Variants in ARHGEF33 observed in about 807,000 individuals in gnomAD.
The protein encoded by ARHGEF33 is Rho guanine nucleotide exchange factor 33, also known as DH and coiled-coil domain-containing protein ENSP00000381780.
Under a neutral mutation model 101.9 loss-of-function variants are expected in ARHGEF33, and 72 were observed. That is an observed-to-expected ratio of 0.71 (90% CI 0.58 to 0.86). The LOEUF (loss-of-function observed/expected upper bound fraction) is 0.86. Ranked by LOEUF, ARHGEF33 falls within the 40% of genes least tolerant of loss-of-function variation. The pLI is 0.00. For missense variants in ARHGEF33, 1,169 were observed against 1,111.3 expected (o/e 1.05, Z -0.74); for synonymous variants, 499 against 442.5 (o/e 1.13, Z -1.60).
chr2:38,966,768 C>A (rs545799621), intron 17 of ARHGEF33, among the ~76,000 whole-genome samples: 4 of 152,300 alleles, frequency 2.6e-5, no homozygotes, highest in South Asian at 2.1e-4. Flanking sequence ...TGTAAAACAT[C>A]ACCCACAGGC....
chr2:38,943,653 C>A (rs1445872182), intron 9 of ARHGEF33, among the ~76,000 whole-genome samples: 6 of 152,206 alleles, frequency 3.9e-5, no homozygotes, highest in Non-Finnish European at 8.8e-5. Flanking sequence ...CTGGTGTCTC[C>A]AATCCTTGAG....
rs1667887168 is a variant in ARHGEF33, at chr2:38,960,302, C to G, written c.1997C>G (p.Ala666Gly). Residue 666 changes from alanine (A) to glycine (G), a missense_variant, in exon 16 of 18, where the codon GCC (alanine) becomes GGC (glycine). By Grantham distance (60) the Ala-to-Gly change is moderately conservative (BLOSUM62 0). Transcript: ENST00000409978. ...CGGCCCGTCAGCTTCGCCATGGAGG[C>G]CGAGCGGCCGGAGCACCCGCTGCAG... The part of the protein sequence containing the change: ...FLRPVSFAME[A>G]ERPEHPLQPL... 1 of 1,545,146 alleles carries G rather than the reference C, an allele frequency of 6.5e-7. No homozygotes were observed. The highest frequency in any genetic ancestry group is 1.2e-5 in the South Asian group (1 of 83,862).
At chr2:38,937,085 C>G (rs1206379551) in intron 8 of ARHGEF33, 6 of 311,434 alleles carry the variant, frequency 1.9e-5, no homozygotes, top group African/African-American at 1.1e-4. Flanking sequence ...ACCTCTGCCT[C>G]CTGGGTTCAA....
rs1019694281 is a variant in ARHGEF33, at chr2:38,951,021, A to G, written c.953A>G (p.Gln318Arg). ...CCTGGCTCTTTACGGTACCTCGTCC[A>G]GCAGCACCTGGATCTGCTTCACGCA... The part of the protein sequence containing the change: ...LFPGSLRYLV[Q>R]QHLDLLHALQ... The change falls in exon 11 of 18, where the codon CAG becomes CGG. Residue 318 changes from glutamine to arginine, a missense_variant. Transcript: ENST00000409978. The G allele has an allele frequency of 6.4e-6, 10 of 1,552,154 alleles. No homozygotes were observed. The African/African-American group carries it at 1.1e-4, about 17-fold the overall frequency.
chr2:38,893,953 G>A (rs577005353), intron 1 of ARHGEF33, among the ~76,000 whole-genome samples: 3 of 152,254 alleles, frequency 2.0e-5, no homozygotes, highest in African/African-American at 4.8e-5. Flanking sequence ...TCTGAAGACT[G>A]AAGACTGAAG....
chr2:38,921,225 C>A, intron 3 of ARHGEF33, 149 bp from the exon 4 acceptor site: 1 of 611,624 alleles, frequency 1.6e-6, no homozygotes, highest in Non-Finnish European at 3.0e-6. Flanking sequence ...CCTACTTCAG[C>A]TCATTTTTTG....
At chr2:38,904,765 G>T (rs1182619746) in intron 2 of ARHGEF33, among the ~76,000 whole-genome samples, 1 of 151,532 alleles carries the variant, frequency 6.6e-6, no homozygotes, top group Non-Finnish European at 1.5e-5. Flanking sequence ...TGCAGTTTTT[G>T]AGCAGGAACA....
chr2:38,901,445 AGGGCTGC>A (rs1050582112), intron 2 of ARHGEF33, among the ~76,000 whole-genome samples: 38 of 152,236 alleles, frequency 2.5e-4, no homozygotes, highest in African/African-American at 8.9e-4. Context: ...CTCCATTCTG[AGGGCTGC>A]AGCAGTAACC....
At position 38,919,464 on chromosome 2, in the gene ARHGEF33, C is replaced by G. The variant is rs938387470; in HGVS notation, c.17C>G (p.Thr6Arg). 8.4e-6 allele frequency: 13 copies of G among 1,551,728 alleles called. No homozygotes were observed. The highest frequency in any genetic ancestry group is 4.1e-5 in the African/African-American group (3 of 73,050). ...ACCGGCACTATGGAAAAAACCAAAACAAAGCAAGGTCAGATTTTTCCTATG... is the reference window on the plus strand; with the variant it reads ...ACCGGCACTATGGAAAAAACCAAAAGAAAGCAAGGTCAGATTTTTCCTATG... MEKTK[T>R]KQGENEHMPV... Residue 6 changes from threonine (T) to arginine (R), a missense_variant, in exon 3 of 18, where the codon ACA becomes AGA. Thr to Arg is a moderately conservative substitution (Grantham distance 71). Coordinates refer to ENST00000409978, the MANE Select transcript of ARHGEF33 (RefSeq NM_001145451.5).
At position 38,894,471 on chromosome 2, in the gene ARHGEF33, TTTCTCTC is replaced by T. The variant is rs1572735617; in HGVS notation, c.-158-1303_-158-1297del. 2.7e-5 allele frequency among the ~76,000 whole-genome samples: 4 copies of T among 149,838 alleles called. No homozygotes were observed. In the East Asian group the frequency reaches 7.7e-4, roughly 29 times the overall value. On this transcript the variant is annotated intron_variant, in intron 1 of 17. Coordinates refer to ENST00000409978, the MANE Select transcript of ARHGEF33 (RefSeq NM_001145451.5). ...GAGGCTTAAACAAGCTAGAAGTGTA[TTTCTCTC>T]TTACATTAAAAACAAACAAACAAAC...
At chr2:38,903,464 C>T (rs1487459233) in intron 2 of ARHGEF33, among the ~76,000 whole-genome samples, 1 of 151,468 alleles carries the variant, frequency 6.6e-6, no homozygotes, top group Non-Finnish European at 1.5e-5. Context: ...TCATTCAAAG[C>T]CCATCACATA....
At position 38,958,179 on chromosome 2, in the gene ARHGEF33, A is replaced by C; in HGVS notation, c.1516A>C (p.Ser506Arg). Residue 506 changes from serine (S) to arginine (R), a missense_variant, in exon 15 of 18, where the codon AGT becomes CGT. Physicochemically the swap from Ser to Arg is moderately radical, Grantham distance 110. Transcript: ENST00000409978. ...GCTGCAACCCTACCCTTCTGCTCCC[A>C]GTTCTGGCCCTGCCATCACGTAAGC... is the stretch of plus-strand genomic sequence containing the variant. ...ELLQPYPSAPSSGPAITHLMP... is the reference protein window; with the variant it reads ...ELLQPYPSAPRSGPAITHLMP... The C allele has an allele frequency of 6.4e-7, 1 of 1,551,678 alleles. No homozygotes were observed. Among genetic ancestry groups the C allele is most frequent in the Non-Finnish European group, 8.7e-7 (1 of 1,146,990 alleles).
rs1276849310 is a variant in ARHGEF33, at chr2:38,959,946, G to A, written c.1641G>A (p.Glu547=). The A allele has an allele frequency of 2.6e-5, 40 of 1,551,602 alleles. No homozygotes were observed. The highest frequency in any genetic ancestry group is 3.4e-5 in the Non-Finnish European group (39 of 1,146,922). ...SDWELEGRKH[E]RPESLLAPTQ... ...GGGAGCTGGAGGGCAGGAAGCACGA[G>A]CGGCCCGAGAGCCTTCTGGCACCGA... Residue 547 remains glutamate (E), a synonymous_variant, in exon 16 of 18, where the codon GAG becomes GAA. Coordinates refer to ENST00000409978, the MANE Select transcript of ARHGEF33 (RefSeq NM_001145451.5).
Position 38,972,078 on chromosome 2 carries a change from CTG to C in ARHGEF33, c.2484-1634_2484-1633del. The C allele has an allele frequency of 4.5e-6, 3 of 664,314 alleles. No individual in the cohort carries two copies. In the South Asian group the frequency reaches 5.2e-5, roughly 11 times the overall value. The allele number at this position is 664,314 out of a possible 1,614,324, so 41.2% of individuals were successfully genotyped here. A position where few individuals can be genotyped will look rare whatever the true frequency, so the allele number is the denominator to read the frequency against. On this transcript the variant is annotated intron_variant, in intron 17 of 17. Transcript: ENST00000409978. ...TGAGTAATGACTTTCTGATGAGAAA[CTG>C]TCCTGTGGGGGAACAAGAAGAAATA...
At chr2:38,901,625 T>A (rs373829790) in intron 2 of ARHGEF33, among the ~76,000 whole-genome samples, 6 of 152,236 alleles carry the variant, frequency 3.9e-5, no homozygotes, top group African/African-American at 1.2e-4. Context: ...CTTCCAGCTT[T>A]GTACTAGGAC....
chr2:38,951,111 C>G lies in ARHGEF33; in HGVS notation c.1043C>G (p.Thr348Arg). The stretch of plus-strand genomic sequence containing the variant: ...CTTGGAGATTTATTCCTTAAGTTAA[C>G]AAATGACGAGGTAAGGTTTTTTCTG... ...GVLGDLFLKL[T>R]NDENNFLDYY... Residue 348 changes from threonine (T) to arginine (R), a missense_variant, in exon 11 of 18, where the codon ACA becomes AGA. Transcript: ENST00000409978. 1.9e-6 allele frequency: 3 copies of G among 1,551,640 alleles called. No individual in the cohort carries two copies. Among genetic ancestry groups the G allele is most frequent in the Non-Finnish European group, 2.6e-6 (3 of 1,146,938 alleles).
At chr2:38,906,805 CAAAAAAAAA>C (rs769713983) in intron 2 of ARHGEF33, among the ~76,000 whole-genome samples, 1 of 50,424 alleles carries the variant, frequency 2.0e-5, no homozygotes, top group African/African-American at 7.1e-5. Flanking sequence ...CCTGTATCTA[CAAAAAAAAA>C]AAAAAAAAAA....
chr2:38,949,225 C>T (rs1332783737), intron 10 of ARHGEF33, among the ~76,000 whole-genome samples: 1 of 152,148 alleles, frequency 6.6e-6, no homozygotes, highest in Non-Finnish European at 1.5e-5. Context: ...CCCCAGTTGT[C>T]CACGAGTTTA....
intron 4 of ARHGEF33, among the ~76,000 whole-genome samples, chr2:38,922,024 C>A (rs765409380): frequency 3.3e-5 from 5 of 152,138 alleles, no homozygotes; most frequent in Non-Finnish European, 5.9e-5. Flanking sequence ...GATAAAAGTT[C>A]TGCAAAACAT....
Sources: gnomAD v4.1 joint callset for allele counts (sites outside exome capture counted in the v4.1 genomes callset) on GRCh38, gnomAD v4.1.1 for gene constraint, MANE v1.5 for transcripts, NCBI Gene and HGNC (gene_info 2026-07-23, HGNC 2026-07-21) for gene names.